The following PRNP variants were observed in gnomAD, a reference collection of about 807,000 sequenced individuals.
PRNP encodes the protein prion protein (Kanno blood group), also known as major prion protein.
PRNP carries 15 observed loss-of-function variants against 21.3 expected under a neutral mutation model. The ratio of observed to expected loss-of-function variants is 0.71; its 90% CI spans 0.47 to 1.09. The LOEUF is 1.09. Ranked by LOEUF, PRNP falls within the 50% of genes least tolerant of loss-of-function variation. PRNP has a pLI of 0.00. For synonymous variants in PRNP, 121 were observed against 123.1 expected (o/e 0.98, Z 0.11); for missense variants, 285 against 340.9 (o/e 0.84, Z 1.29).
At chr20:4,688,165 G>A (rs568534131) in intron 1 of PRNP, among the ~76,000 whole-genome samples, 1 of 152,248 alleles carries the variant, frequency 6.6e-6, no homozygotes, top group South Asian at 2.1e-4. Flanking sequence ...ACAATAAAAT[G>A]CAAATTAGAG....
At chr20:4,693,161 T>C (rs1035251758) in intron 1 of PRNP, among the ~76,000 whole-genome samples, 5 of 152,066 alleles carry the variant, frequency 3.3e-5, no homozygotes, top group African/African-American at 1.2e-4. Context: ...CAACTCTCAC[T>C]CCTCCATCCA....
intron 1 of PRNP, among the ~76,000 whole-genome samples, chr20:4,687,194 G>A (rs1308008223): frequency 6.6e-6 from 1 of 152,158 alleles, no homozygotes; most frequent in Non-Finnish European, 1.5e-5. Flanking sequence ...GCAGCCTTGC[G>A]GCCGTTGCCA....
rs1480448223 is a variant in PRNP at position 4,686,622 on chromosome 20, T to C, written c.-11+110T>C. On this transcript the variant is annotated intron_variant, in intron 1 of 1. Coordinates refer to ENST00000379440, the MANE Select transcript of PRNP (RefSeq NM_000311.5). The surrounding 1 kb of genome is among the most constrained non-coding windows in gnomAD (Gnocchi z 6.7). Reference sequence around the variant, plus strand: ...CGCAAGGGTGCCCGGCCGGGCGGGGTCGGGACCCCAGTGAGGAGGGGCCGG... The same window carrying C: ...CGCAAGGGTGCCCGGCCGGGCGGGGCCGGGACCCCAGTGAGGAGGGGCCGG... 6.6e-6 allele frequency: 1 copy of C among 151,120 alleles called. No individual in the cohort carries two copies. The highest frequency in any genetic ancestry group is 1.5e-5 in the Non-Finnish European group (1 of 67,778). The allele number at this position is 151,120 out of a possible 1,614,324, so 9.4% of individuals were successfully genotyped here.
At chr20:4,695,589 A>G (rs1230220314) in intron 1 of PRNP, among the ~76,000 whole-genome samples, 1 of 152,190 alleles carries the variant, frequency 6.6e-6, no homozygotes, top group Non-Finnish European at 1.5e-5. Flanking sequence ...GTGTCTTTGT[A>G]ATAGGATGAT....
Position 4,700,024 on chromosome 20 carries a change from A to G in PRNP, c.*42A>G. ...TTCACCATCTTTCTAATCTTTTTCC[A>G]GCTTGAGGGAGGCGGTATCCACCTG... On this transcript the variant is annotated 3_prime_UTR_variant, in exon 2 of 2. Transcript: ENST00000379440. This position sits in a 1 kb window ranked among gnomAD's most constrained non-coding sequence, Gnocchi z 4.1. The G allele has an allele frequency of 6.4e-7, 1 of 1,562,898 alleles. No individual in the cohort carries two copies. Among genetic ancestry groups the G allele is most frequent in the Non-Finnish European group, 8.7e-7 (1 of 1,153,160 alleles).
intron 1 of PRNP, among the ~76,000 whole-genome samples, chr20:4,691,068 C>T (rs1921798350): frequency 6.6e-6 from 1 of 152,102 alleles, no homozygotes. Context: ...TTTACAATAG[C>T]TACAAAATAA....
Position 4,700,398 on chromosome 20 carries a change from A to G in PRNP, c.*416A>G. 3.0e-6 allele frequency: 1 copy of G among 330,242 alleles called. No individual in the cohort carries two copies. Among genetic ancestry groups the G allele is most frequent in the Non-Finnish European group, 6.2e-6 (1 of 161,220 alleles). 20.5% of individuals were successfully genotyped at this position (330,242 alleles called of 1,614,324 possible). ...CTATCTTAGTAGAGATTTCATAGCT[A>G]TTTAGAGATATTTTCCATTTTAAGA... On this transcript the variant is annotated 3_prime_UTR_variant, in exon 2 of 2. Transcript: ENST00000379440. The surrounding 1 kb of genome is among the most constrained non-coding windows in gnomAD (Gnocchi z 4.1).
intron 1 of PRNP, among the ~76,000 whole-genome samples, chr20:4,695,222 A>G (rs1165594997): frequency 1.3e-5 from 2 of 152,064 alleles, no homozygotes; most frequent in Non-Finnish European, 2.9e-5. Flanking sequence ...TTTGTCATAC[A>G]GATTATTTCA....
chr20:4,696,742 T>G (rs1922195376), intron 1 of PRNP, among the ~76,000 whole-genome samples: 3 of 152,214 alleles, frequency 2.0e-5, no homozygotes, highest in Admixed American at 2.0e-4. Context: ...ATAGGATATC[T>G]TGAAATATGC....
intron 1 of PRNP, among the ~76,000 whole-genome samples, chr20:4,695,564 A>C (rs1601017416): frequency 1.1e-5 from 1 of 92,408 alleles, no homozygotes. Context: ...TTTTGCAATG[A>C]ACATACACGT....
In PRNP at chr20:4,699,028, G is replaced by A. The variant is rs943484635; in HGVS notation, c.-10-183G>A. Among the ~76,000 whole-genome samples the A allele has an allele frequency of 6.6e-6, 1 of 152,198 alleles. No homozygotes were observed. Among genetic ancestry groups the A allele is most frequent in the African/African-American group, 2.4e-5 (1 of 41,446 alleles). On this transcript the variant is annotated intron_variant, in intron 1 of 1. Transcript: ENST00000379440. The surrounding 1 kb of genome is among the most constrained non-coding windows in gnomAD (Gnocchi z 5.8). ...ACATTTGTCCTTGGAGCAGGAGAAA[G>A]AGTTGTGTTCACCCTTTTCTTACTT...
rs539962697 is a variant in PRNP, at chr20:4,686,860, G to A, written c.-11+348G>A. 3 of 151,732 alleles carry A rather than the reference G, an allele frequency of 2.0e-5. No homozygotes were observed. Among genetic ancestry groups the A allele is most frequent in the South Asian group, 2.1e-4 (1 of 4,826 alleles). The allele number at this position is 151,732 out of a possible 1,614,324, so 9.4% of individuals were successfully genotyped here. A position where few individuals can be genotyped will look rare whatever the true frequency, so the allele number is the denominator to read the frequency against. ...CACCCCGCGCGGGTCCGGCCCAGCG[G>A]GCGATCGCTGGCGCCCAGGGAACTC... On this transcript the variant is annotated intron_variant, in intron 1 of 1. Transcript: ENST00000379440. This position sits in a 1 kb window ranked among gnomAD's most constrained non-coding sequence, Gnocchi z 6.7.
chr20:4,699,806 G>A lies in PRNP; in HGVS notation c.586G>A (p.Glu196Lys), dbSNP rs1555782165. Residue 196 changes from glutamate (E) to lysine (K), a missense_variant, in exon 2 of 2, where the codon GAG becomes AAG. Physicochemically the swap from Glu to Lys is moderately conservative, Grantham distance 56. Transcript: ENST00000379440. The surrounding 1 kb of genome is among the most constrained non-coding windows in gnomAD (Gnocchi z 5.8). ...CACGGTCACCACAACCACCAAGGGG[G>A]AGAACTTCACCGAGACCGACGTTAA... ...QHTVTTTTKG[E>K]NFTETDVKMM... is the part of the protein sequence containing the mutation. The A allele has an allele frequency of 6.2e-7, 1 of 1,613,840 alleles. No individual in the cohort carries two copies. Among genetic ancestry groups the A allele is most frequent in the Non-Finnish European group, 8.5e-7 (1 of 1,179,974 alleles).
chr20:4,694,316 C>T (rs1922027826), intron 1 of PRNP, among the ~76,000 whole-genome samples: 1 of 151,994 alleles, frequency 6.6e-6, no homozygotes, highest in Non-Finnish European at 1.5e-5. Context: ...GCCTGGGCAA[C>T]ATAGCAAGAC....
intron 1 of PRNP, among the ~76,000 whole-genome samples, chr20:4,688,045 G>A (rs1418812280): frequency 1.3e-5 from 2 of 152,178 alleles, no homozygotes; most frequent in African/African-American, 4.8e-5. Flanking sequence ...AAAGCAGGCA[G>A]AGGGGTAGGA....
intron 1 of PRNP, among the ~76,000 whole-genome samples, chr20:4,696,425 T>C (rs933713458): frequency 2.0e-5 from 3 of 152,236 alleles, no homozygotes; most frequent in African/African-American, 4.8e-5. Flanking sequence ...TGGTCAGTTA[T>C]TGCTACTGTA....
At chr20:4,694,020 T>G (rs1168908346) in intron 1 of PRNP, among the ~76,000 whole-genome samples, 1 of 147,754 alleles carries the variant, frequency 6.8e-6, no homozygotes, top group Non-Finnish European at 1.5e-5. Flanking sequence ...GCCCACTGGG[T>G]GGAGGTTGCA....
intron 1 of PRNP, among the ~76,000 whole-genome samples, chr20:4,689,325 A>G (rs1026528331): frequency 7.2e-5 from 11 of 152,226 alleles, no homozygotes; most frequent in Non-Finnish European, 1.3e-4. Flanking sequence ...GGCTGTGATC[A>G]CAAGCTCTTG....
In PRNP at chr20:4,700,280, G is replaced by A. The variant is rs951719289; in HGVS notation, c.*298G>A. 6.3e-6 allele frequency: 5 copies of A among 793,948 alleles called. No individual in the cohort carries two copies. Among genetic ancestry groups the A allele is most frequent in the Middle Eastern group, 4.0e-4 (1 of 2,510 alleles). 49.2% of individuals were successfully genotyped at this position (793,948 alleles called of 1,614,324 possible). A position where few individuals can be genotyped will look rare whatever the true frequency, so the allele number is the denominator to read the frequency against. On this transcript the variant is annotated 3_prime_UTR_variant, in exon 2 of 2. Coordinates refer to ENST00000379440, the MANE Select transcript of PRNP (RefSeq NM_000311.5). The surrounding 1 kb of genome is among the most constrained non-coding windows in gnomAD (Gnocchi z 4.1). ...CTTATTTTTGGACTTAGTGCAACAG[G>A]TTGAGGCTAAAACAAATCTCAGAAC... is the stretch of plus-strand genomic sequence containing the variant.
Sources: gnomAD v4.1 joint callset for allele counts (sites outside exome capture counted in the v4.1 genomes callset) on GRCh38, gnomAD v4.1.1 for gene constraint, Gnocchi (gnomAD v3.1) non-coding constraint, MANE v1.5 for transcripts, NCBI Gene and HGNC (gene_info 2026-07-23, HGNC 2026-07-21) for gene names.